ANK2: variants seen among roughly 807,000 people sequenced by gnomAD.
ANK2 encodes the protein ankyrin-2.
ANK2 carries 83 observed loss-of-function variants against 360.5 expected under a neutral mutation model. The observed-to-expected ratio is 0.23, with a 90% CI of 0.19 to 0.28. The LOEUF (loss-of-function observed/expected upper bound fraction) is 0.28. Ranked by LOEUF, ANK2 falls within the 10% of genes least tolerant of loss-of-function variation. The pLI, the probability that ANK2 is intolerant of heterozygous loss-of-function variation, is 1.00. For missense variants in ANK2, 4,201 were observed against 4,795.7 expected, an observed-to-expected ratio of 0.88 and a Z score of 3.66; for synonymous variants, 1,740 against 1,759.5, an observed-to-expected ratio of 0.99 and a Z score of 0.28.
chr4:113,341,950 C>T lies in ANK2; in HGVS notation c.4122+34C>T, dbSNP rs528068903. On this transcript the variant is annotated intron_variant, in intron 33 of 45. Transcript: ENST00000357077. ...CCAAAAATAATAATAATAATTTATGCCATGTTGTTATACCTGCATTAATAG... is the reference window on the plus strand; with the variant it reads ...CCAAAAATAATAATAATAATTTATGTCATGTTGTTATACCTGCATTAATAG... 160 of 1,479,390 alleles carry T rather than the reference C, an allele frequency of 1.1e-4. No homozygotes were observed. The South Asian group carries it at 1.7e-3, about 16-fold the overall frequency. 91.6% of individuals were successfully genotyped at this position (1,479,390 alleles called of 1,614,324 possible).
At chr4:113,377,398 A>G (rs570064760) in intron 45 of ANK2, among the ~76,000 whole-genome samples, 40 of 152,266 alleles carry the variant, frequency 2.6e-4, no homozygotes, top group South Asian at 2.5e-3. Flanking sequence ...TATGCAGTCC[A>G]TTTTTAACCA....
intron 1 of ANK2, chr4:112,818,360 C>A (rs945478892): frequency 6.6e-6 from 1 of 152,242 alleles, no homozygotes; most frequent in African/African-American, 2.4e-5. Flanking sequence ...TGTAAAACCC[C>A]CTCCTTGGGT....
chr4:112,716,219 G>A, the ANK2 span, among the ~76,000 whole-genome samples: 1 of 151,962 alleles, frequency 6.6e-6, no homozygotes, highest in Non-Finnish European at 1.5e-5. Flanking sequence ...GTATTAAATG[G>A]CAGTAACCAT....
intron 31 of ANK2, 28 bp downstream of exon 31, chr4:113,336,809 A>G (rs1352168353): frequency 6.2e-7 from 1 of 1,607,496 alleles, no homozygotes; most frequent in Admixed American, 1.7e-5. Flanking sequence ...GTGTTCGTAG[A>G]GAGTTCTGAA....
At chr4:113,160,806 A>G (rs2097507744) in intron 1 of ANK2, among the ~76,000 whole-genome samples, 1 of 152,108 alleles carries the variant, frequency 6.6e-6, no homozygotes, top group Non-Finnish European at 1.5e-5. Flanking sequence ...TATGCTTCTG[A>G]CTCATTGTCA....
intron 23 of ANK2, among the ~76,000 whole-genome samples, chr4:113,310,462 G>T (rs571091097): frequency 1.4e-3 from 206 of 152,164 alleles, no homozygotes; most frequent in African/African-American, 4.7e-3. Context: ...TGTCACCCAG[G>T]CTGGAGTGCA....
chr4:112,881,983 C>A, intron 1 of ANK2: 1 of 583,878 alleles, frequency 1.7e-6, no homozygotes, highest in East Asian at 3.0e-5. Flanking sequence ...AAACCCAGAG[C>A]CCCCGGAGTG....
chr4:113,122,122 G>C (rs775812189), intron 1 of ANK2, among the ~76,000 whole-genome samples: 49 of 152,164 alleles, frequency 3.2e-4, no homozygotes, highest in Admixed American at 7.9e-4. Context: ...AGTTGAAAGT[G>C]TGTTATAAGA....
chr4:113,163,971 C>T (rs1448591992), intron 1 of ANK2, among the ~76,000 whole-genome samples: 1 of 152,118 alleles, frequency 6.6e-6, no homozygotes, highest in African/African-American at 2.4e-5. Flanking sequence ...TTCTCCATTT[C>T]TCTACCCCCT....
rs768675329 is a variant in ANK2 at position 112,898,047 on chromosome 4, C to G, written c.-39-6408C>G. Among the ~76,000 whole-genome samples the G allele has an allele frequency of 2.0e-5, 3 of 152,160 alleles. No individual in the cohort carries two copies. The Middle Eastern group carries it at 0.01, about 518-fold the overall frequency. On this transcript the variant is annotated intron_variant, in intron 1 of 30. Transcript: ENST00000503271. ...TTTTATCAAAGGAGAAGCCAACCAT[C>G]TTTATCAATAGACTTTATTTTTTAG...
At position 113,358,284 on chromosome 4, in the gene ANK2, C is replaced by G. The variant is rs772194487; in HGVS notation, c.9666C>G (p.Thr3222=). The part of the protein sequence containing the change: ...TPTKEAVSVG[T]KDLPTVQTGD... ...CAAAAGAAGCTGTTAGTGTAGGGACCAAGGACCTCCCCACCGTGCAAACGG... is the reference window on the plus strand; with the variant it reads ...CAAAAGAAGCTGTTAGTGTAGGGACGAAGGACCTCCCCACCGTGCAAACGG... The change falls in exon 38 of 46, where the codon ACC becomes ACG. Residue 3222 remains threonine, a synonymous_variant. Transcript: ENST00000357077. 5 of 1,613,528 alleles carry G rather than the reference C, an allele frequency of 3.1e-6. No homozygotes were observed. Among genetic ancestry groups the G allele is most frequent in the Admixed American group, 3.3e-5 (2 of 59,984 alleles).
intron 1 of ANK2, among the ~76,000 whole-genome samples, chr4:113,055,868 T>G (rs375613559): frequency 1.3e-5 from 2 of 152,204 alleles, no homozygotes; most frequent in African/African-American, 4.8e-5. Context: ...ATTCTGTGGT[T>G]ATCTTCTAAG....
chr4:112,810,405 A>T, the ANK2 span, among the ~76,000 whole-genome samples: 1 of 151,844 alleles, frequency 6.6e-6, no homozygotes, highest in Non-Finnish European at 1.5e-5. Context: ...ATACATCCAG[A>T]TTTCCTCTGT....
intron 1 of ANK2, among the ~76,000 whole-genome samples, chr4:112,831,713 T>G (rs2059774213): frequency 6.6e-6 from 1 of 152,180 alleles, no homozygotes; most frequent in Non-Finnish European, 1.5e-5. Context: ...CTCTTCACAA[T>G]AAATCTTGCT....
At chr4:112,770,661 G>A in the ANK2 span, among the ~76,000 whole-genome samples, 2 of 151,044 alleles carry the variant, frequency 1.3e-5, no homozygotes, top group African/African-American at 4.9e-5. Context: ...AACTGAGATT[G>A]TGCTATTGTA....
chr4:113,182,090 G>A (rs1290696317), intron 2 of ANK2, among the ~76,000 whole-genome samples: 6 of 152,144 alleles, frequency 3.9e-5, no homozygotes, highest in African/African-American at 9.7e-5. Context: ...TTGGTGAGAC[G>A]TGGCTGGATT....
intron 2 of ANK2, among the ~76,000 whole-genome samples, chr4:112,993,811 A>G (rs1474612695): frequency 6.6e-6 from 1 of 151,870 alleles, no homozygotes; most frequent in East Asian, 1.9e-4. Context: ...GGTTCAAGCA[A>G]TTCTCCTGCC....
At chr4:113,127,206 C>T (rs1446353442) in intron 1 of ANK2, among the ~76,000 whole-genome samples, 1 of 152,064 alleles carries the variant, frequency 6.6e-6, no homozygotes, top group African/African-American at 2.4e-5. Flanking sequence ...AAGCATCCTC[C>T]CTATTTCCAA....
chr4:113,005,219 C>T (rs549267861), intron 2 of ANK2, among the ~76,000 whole-genome samples: 74 of 151,980 alleles, frequency 4.9e-4, no homozygotes, highest in African/African-American at 1.6e-3. Flanking sequence ...CTCTATGACC[C>T]AGCAATTCCA....
Sources: allele counts gnomAD v4.1 joint callset (sites outside exome capture counted in the v4.1 genomes callset), GRCh38; gene constraint gnomAD v4.1.1; transcripts MANE v1.5; gene names NCBI Gene and HGNC (gene_info 2026-07-23, HGNC 2026-07-21).